The following ATG5 variants were observed in gnomAD, a reference collection of about 807,000 sequenced individuals.
ATG5 encodes autophagy protein 5.
In ATG5, 14 loss-of-function variants were observed where a neutral mutation model predicts 36.5. That is an observed-to-expected ratio of 0.38 (90% CI 0.25 to 0.60). The LOEUF (loss-of-function observed/expected upper bound fraction) is 0.60, where lower values mean the gene tolerates loss of function less well. Ranked by LOEUF, ATG5 falls within the 20% of genes least tolerant of loss-of-function variation. ATG5 has a pLI of 0.60. For synonymous variants in ATG5, 95 were observed against 101.5 expected (o/e 0.94, Z 0.38); for missense variants, 195 against 326.7 (o/e 0.60, Z 3.11).
chr6:106,243,794 G>A (rs1400935532), intron 6 of ATG5, among the ~76,000 whole-genome samples: 2 of 151,266 alleles, frequency 1.3e-5, no homozygotes, highest in African/African-American at 4.9e-5. Context: ...TTGCACTAGT[G>A]CACTCCAGCC....
intron 5 of ATG5, among the ~76,000 whole-genome samples, chr6:106,248,673 C>T (rs577164187): frequency 2.6e-5 from 4 of 152,274 alleles, no homozygotes; most frequent in East Asian, 1.9e-4. Flanking sequence ...CAGTGGCCCA[C>T]GCCTGTAATC....
At chr6:106,323,079 C>T (rs1771155557) in intron 1 of ATG5, among the ~76,000 whole-genome samples, 1 of 151,806 alleles carries the variant, frequency 6.6e-6, no homozygotes, top group African/African-American at 2.4e-5. Context: ...CCACCAGGCT[C>T]GGGTTTGTTT....
intron 7 of ATG5, among the ~76,000 whole-genome samples, chr6:106,187,094 A>G (rs1775804398): frequency 6.6e-6 from 1 of 152,252 alleles, no homozygotes; most frequent in Non-Finnish European, 1.5e-5. Flanking sequence ...AATGTAAAAT[A>G]GAAATGTGAC....
intron 6 of ATG5, among the ~76,000 whole-genome samples, chr6:106,236,435 T>C (rs1465207205): frequency 1.3e-5 from 2 of 152,254 alleles, no homozygotes; most frequent in African/African-American, 4.8e-5. Flanking sequence ...TGTACCATTT[T>C]ACACTCCTAC....
intron 3 of ATG5, among the ~76,000 whole-genome samples, chr6:106,297,056 G>A (rs1054164541): frequency 2.6e-5 from 4 of 152,170 alleles, no homozygotes; most frequent in Non-Finnish European, 5.9e-5. Flanking sequence ...CAAACTCTGA[G>A]TCTTTAGATG....
chr6:106,317,832 C>A (rs1252006338), intron 1 of ATG5, among the ~76,000 whole-genome samples: 1 of 152,152 alleles, frequency 6.6e-6, no homozygotes, highest in Non-Finnish European at 1.5e-5. Flanking sequence ...TAATAGCTTG[C>A]TCTTTTTAAA....
rs142757538 is a variant in ATG5 at position 106,281,025 on chromosome 6, G to A, written c.316-1202C>T. Among the ~76,000 whole-genome samples the A allele has an allele frequency of 1.1e-3, 173 of 152,106 alleles. 1 individual carries two copies. Among genetic ancestry groups the A allele is most frequent in the African/African-American group, 4.0e-3 (165 of 41,484 alleles). On this transcript the variant is annotated intron_variant, in intron 4 of 7. Transcript: ENST00000369076. ...ACAGCATTTAGTTATAGCCTACTCC[G>A]GTTACTGTATTCACAAACAACATTC...
intron 5 of ATG5, among the ~76,000 whole-genome samples, chr6:106,263,985 A>G (rs1779128525): frequency 6.6e-6 from 1 of 152,194 alleles, no homozygotes; most frequent in Non-Finnish European, 1.5e-5. Flanking sequence ...AACTGGATGA[A>G]GAATGAAGTT....
At chr6:106,191,309 G>A (rs553145209) in intron 7 of ATG5, among the ~76,000 whole-genome samples, 29 of 152,132 alleles carry the variant, frequency 1.9e-4, no homozygotes, top group African/African-American at 6.5e-4. Context: ...AGATATGGCA[G>A]CTTTTGCTAA....
At chr6:106,214,687 T>C (rs1404922738) in intron 6 of ATG5, among the ~76,000 whole-genome samples, 2 of 152,290 alleles carry the variant, frequency 1.3e-5, no homozygotes, top group East Asian at 3.8e-4. Context: ...TTGAGGCAAA[T>C]TTTCTTCAAA....
chr6:106,289,385 G>A (rs891989336), intron 4 of ATG5, among the ~76,000 whole-genome samples: 3 of 151,328 alleles, frequency 2.0e-5, no homozygotes, highest in Non-Finnish European at 1.5e-5. Context: ...CTAAATGAAT[G>A]GAACTTAGTA....
At chr6:106,241,944 C>G (rs993563374) in intron 6 of ATG5, among the ~76,000 whole-genome samples, 7 of 151,932 alleles carry the variant, frequency 4.6e-5, no homozygotes, top group Non-Finnish European at 5.9e-5. Flanking sequence ...CTACCACCAC[C>G]ACCATGATGG....
intron 2 of ATG5, among the ~76,000 whole-genome samples, chr6:106,309,888 C>A (rs1770586620): frequency 6.6e-6 from 1 of 152,082 alleles, no homozygotes; most frequent in African/African-American, 2.4e-5. Context: ...ACATAGTAAT[C>A]TATTCTGTAG....
intron 6 of ATG5, among the ~76,000 whole-genome samples, chr6:106,203,806 TATAAGA>T (rs1233478254): frequency 6.6e-6 from 1 of 152,174 alleles, no homozygotes; most frequent in African/African-American, 2.4e-5. Flanking sequence ...CCTCATATTT[TATAAGA>T]ATATGACTTC....
At chr6:106,272,572 T>C (rs1221347631) in intron 5 of ATG5, among the ~76,000 whole-genome samples, 2 of 152,222 alleles carry the variant, frequency 1.3e-5, no homozygotes, top group African/African-American at 4.8e-5. Context: ...TCCTCCTTCC[T>C]CTACAACTCC....
At chr6:106,321,352 T>G (rs1771058626) in intron 1 of ATG5, among the ~76,000 whole-genome samples, 1 of 151,206 alleles carries the variant, frequency 6.6e-6, no homozygotes, top group Non-Finnish European at 1.5e-5. Context: ...TTATCCTCTC[T>G]GGGTCAACTC....
intron 7 of ATG5, among the ~76,000 whole-genome samples, chr6:106,188,503 T>C (rs1286028813): frequency 6.6e-6 from 1 of 152,206 alleles, no homozygotes; most frequent in Non-Finnish European, 1.5e-5. Flanking sequence ...TCCAAAGTAC[T>C]GTATCTAAAG....
At chr6:106,315,312 C>T (rs1006854739) in intron 2 of ATG5, among the ~76,000 whole-genome samples, 2 of 152,144 alleles carry the variant, frequency 1.3e-5, no homozygotes, top group Admixed American at 6.5e-5. Flanking sequence ...CACTAGAATG[C>T]ATACCTGAGA....
intron 6 of ATG5, among the ~76,000 whole-genome samples, chr6:106,233,170 C>T (rs1324375855): frequency 6.6e-6 from 1 of 152,220 alleles, no homozygotes; most frequent in Non-Finnish European, 1.5e-5. Context: ...GCTCTGCTCA[C>T]AGCAGGTTAA....
Sources: gnomAD v4.1 joint callset for allele counts (sites outside exome capture counted in the v4.1 genomes callset) on GRCh38, gnomAD v4.1.1 for gene constraint, MANE v1.5 for transcripts, NCBI Gene and HGNC (gene_info 2026-07-23, HGNC 2026-07-21) for gene names.